The following SEPTIN11 variants were observed in gnomAD, a reference collection of about 807,000 sequenced individuals.
SEPTIN11 encodes septin-11.
SEPTIN11 carries 25 observed loss-of-function variants against 51.4 expected under a neutral mutation model. That is an observed-to-expected ratio of 0.49 (90% CI 0.35 to 0.68). SEPTIN11 has a LOEUF of 0.68. SEPTIN11 is among the 30% of genes least tolerant of loss of function. The pLI, the probability that SEPTIN11 is intolerant of heterozygous loss-of-function variation, is 0.00. For missense variants in SEPTIN11, 381 were observed against 520.8 expected, an observed-to-expected ratio of 0.73 and a Z score of 2.61; for synonymous variants, 174 against 184.1, an observed-to-expected ratio of 0.95 and a Z score of 0.44.
At chr4:77,022,995 A>G (rs1725828493) in intron 7 of SEPTIN11, among the ~76,000 whole-genome samples, 2 of 152,202 alleles carry the variant, frequency 1.3e-5, no homozygotes, top group Non-Finnish European at 2.9e-5. Context: ...CTGTGTGGCC[A>G]GCATTTTAAT....
intron 3 of SEPTIN11, among the ~76,000 whole-genome samples, chr4:77,011,444 A>C (rs1200222316): frequency 6.6e-6 from 1 of 150,376 alleles, no homozygotes; most frequent in African/African-American, 2.4e-5. Context: ...AGCCAGGAGA[A>C]GAGTAGGAAA....
At chr4:77,015,104 T>A in intron 5 of SEPTIN11, 87 bp downstream of exon 5, 1 of 1,344,770 alleles carries the variant, frequency 7.4e-7, no homozygotes, top group Non-Finnish European at 1.0e-6. Context: ...AGCACTGGAC[T>A]GACTAGGAAC....
chr4:76,998,968 G>C (rs1447481050), intron 2 of SEPTIN11, among the ~76,000 whole-genome samples: 1 of 152,156 alleles, frequency 6.6e-6, no homozygotes, highest in East Asian at 1.9e-4. Flanking sequence ...AAAGGAGATA[G>C]GGCTTGGGAG....
rs763550483 is a variant in SEPTIN11, at chr4:77,020,627, G to A, written c.910G>A (p.Glu304Lys). The A allele has an allele frequency of 6.2e-7, 1 of 1,614,032 alleles. No individual in the cohort carries two copies. The highest frequency in any genetic ancestry group is 8.5e-7 in the Non-Finnish European group (1 of 1,180,028). Residue 304 changes from glutamate (E) to lysine (K), a missense_variant, in exon 7 of 10, where the codon GAG (glutamate) becomes AAG (lysine). Glu to Lys is a moderately conservative substitution (Grantham distance 56). Coordinates refer to ENST00000264893, the MANE Select transcript of SEPTIN11 (RefSeq NM_018243.4). The part of the protein sequence containing the change: ...YELYRRCKLE[E>K]MGFKDTDPDS... ...ATTGTACCGACGCTGTAAGCTTGAA[G>A]AGATGGGGTTCAAGGACACTGACCC...
At chr4:76,962,837 A>G (rs1721878652) in intron 1 of SEPTIN11, among the ~76,000 whole-genome samples, 1 of 152,144 alleles carries the variant, frequency 6.6e-6, no homozygotes, top group Non-Finnish European at 1.5e-5. Flanking sequence ...ACACACAAAC[A>G]CACACTCACA....
At chr4:76,978,785 A>G (rs1722621681) in intron 1 of SEPTIN11, among the ~76,000 whole-genome samples, 1 of 152,234 alleles carries the variant, frequency 6.6e-6, no homozygotes, top group Non-Finnish European at 1.5e-5. Flanking sequence ...AAACACCCCT[A>G]CAACGTTTGA....
intron 4 of SEPTIN11, 101 bp from the exon 5 acceptor site, chr4:77,014,755 A>T: frequency 9.0e-7 from 1 of 1,115,728 alleles, no homozygotes; most frequent in Non-Finnish European, 1.3e-6. Flanking sequence ...TTTATTTTTT[A>T]CAGTAAGGTT....
intron 2 of SEPTIN11, among the ~76,000 whole-genome samples, chr4:77,000,501 C>A (rs971892914): frequency 6.6e-6 from 1 of 152,216 alleles, no homozygotes; most frequent in Non-Finnish European, 1.5e-5. Context: ...ACATTTTTCT[C>A]TCAGCTTAGT....
chr4:77,028,580 T>G, intron 7 of SEPTIN11, 49 bp from the exon 8 acceptor site: 1 of 1,514,890 alleles, frequency 6.6e-7, no homozygotes, highest in Non-Finnish European at 8.8e-7. Context: ...CTGAAATTTC[T>G]TAGTATACAA....
At chr4:77,014,750 T>G in intron 4 of SEPTIN11, 106 bp from the exon 5 acceptor site, 1 of 1,096,398 alleles carries the variant, frequency 9.1e-7, no homozygotes, top group Non-Finnish European at 1.3e-6. Flanking sequence ...ACATCTTTAT[T>G]TTTTACAGTA....
Position 76,979,033 on chromosome 4 carries a change from G to A in SEPTIN11, c.28-17392G>A, listed in dbSNP as rs527951252. ...GCTCCATGGCTGTTGTTTTTGGTTG[G>A]GGAAGTCAGGTTGTATAGACTTTGT... On this transcript the variant is annotated intron_variant, in intron 1 of 9. Transcript: ENST00000264893. Among the ~76,000 whole-genome samples, 9 of 152,268 alleles carry A rather than the reference G, an allele frequency of 5.9e-5. No individual in the cohort carries two copies. The South Asian group carries it at 1.2e-3, about 21-fold the overall frequency.
chr4:77,032,509 A>T (rs1157827551), intron 9 of SEPTIN11, among the ~76,000 whole-genome samples: 1 of 152,216 alleles, frequency 6.6e-6, no homozygotes, highest in Non-Finnish European at 1.5e-5. Context: ...GCCATTGGGC[A>T]TTGTACCTTT....
chr4:76,976,496 A>G (rs547448296), intron 1 of SEPTIN11, among the ~76,000 whole-genome samples: 4 of 152,328 alleles, frequency 2.6e-5, no homozygotes, highest in African/African-American at 9.6e-5. Flanking sequence ...TCTATGTCAC[A>G]TTGATCCTGG....
At chr4:77,016,657 C>CATATATATATATATATATAT (rs1560736525) in intron 5 of SEPTIN11, among the ~76,000 whole-genome samples, 4 of 79,218 alleles carry the variant, frequency 5.0e-5, no homozygotes, top group Non-Finnish European at 9.5e-5. Context: ...TATATATATA[C>CATATATATATATATATATAT]ACATATATAT....
intron 1 of SEPTIN11, 113 bp downstream of exon 1, chr4:76,950,043 G>GGCA: frequency 1.7e-6 from 2 of 1,169,284 alleles, no homozygotes; most frequent in Non-Finnish European, 2.2e-6. Flanking sequence ...CCGCGGCGGC[G>GGCA]GCGACGGCTG....
intron 7 of SEPTIN11, 130 bp downstream of exon 7, chr4:77,020,800 A>G (rs1725665307): frequency 1.2e-6 from 1 of 802,508 alleles, no homozygotes; most frequent in South Asian, 1.9e-5. Flanking sequence ...ATTAATACAT[A>G]TGTTGTCAGG....
intron 1 of SEPTIN11, among the ~76,000 whole-genome samples, chr4:76,981,328 C>T (rs1187727704): frequency 6.6e-6 from 1 of 152,162 alleles, no homozygotes; most frequent in African/African-American, 2.4e-5. Flanking sequence ...ACTGTGGGAA[C>T]ATTCTTGTGA....
intron 1 of SEPTIN11, among the ~76,000 whole-genome samples, chr4:76,994,554 C>T (rs778201098): frequency 2.0e-5 from 3 of 152,224 alleles, no homozygotes; most frequent in Non-Finnish European, 4.4e-5. Flanking sequence ...TTCAAGGAAA[C>T]TATTCATAGA....
At chr4:76,996,296 C>T in intron 1 of SEPTIN11, 129 bp from the exon 2 acceptor site, 1 of 705,310 alleles carries the variant, frequency 1.4e-6, no homozygotes, top group Non-Finnish European at 2.4e-6. Flanking sequence ...GAAGCCAAGG[C>T]AGCTGTGGAG....
Sources: allele counts gnomAD v4.1 joint callset (sites outside exome capture counted in the v4.1 genomes callset), GRCh38; gene constraint gnomAD v4.1.1; transcripts MANE v1.5; gene names NCBI Gene and HGNC (gene_info 2026-07-23, HGNC 2026-07-21).